The following RBFOX1 variants were observed in gnomAD, a reference collection of about 807,000 sequenced individuals.
RBFOX1 encodes RNA binding protein fox-1 homolog 1.
In RBFOX1, 8 loss-of-function variants were observed where a neutral mutation model predicts 57.7. The ratio of observed to expected loss-of-function variants is 0.14; its 90% CI spans 0.08 to 0.25. The LOEUF is 0.25. Among genes scored for constraint, RBFOX1 ranks in the 10% least tolerant of loss-of-function variants. The pLI, the probability that RBFOX1 is intolerant of heterozygous loss-of-function variation, is 1.00. For synonymous variants in RBFOX1, 326 were observed against 222.4 expected, an observed-to-expected ratio of 1.47 and a Z score of -4.15; for missense variants, 611 against 548.5, an observed-to-expected ratio of 1.11 and a Z score of -1.14.
chr16:7,417,474 T>C (rs1415327973), intron 4 of RBFOX1, among the ~76,000 whole-genome samples: 1 of 151,354 alleles, frequency 6.6e-6, no homozygotes, highest in Non-Finnish European at 1.5e-5. Context: ...ACCAGGAAAC[T>C]GACCTTGATC....
intron 2 of RBFOX1, among the ~76,000 whole-genome samples, chr16:6,568,141 C>T (rs1196767865): frequency 6.6e-6 from 1 of 152,158 alleles, no homozygotes; most frequent in Non-Finnish European, 1.5e-5. Context: ...TAACAAATTA[C>T]TCCCAAAGTT....
intron 6 of RBFOX1, among the ~76,000 whole-genome samples, chr16:7,581,887 A>C (rs1034973): frequency 0.85 from 128,387 of 151,596 alleles, 55,132 homozygotes; most frequent in Middle Eastern, 0.92. Flanking sequence ...ATTTTTAAGT[A>C]TTTTTTTTTA....
chr16:7,474,214 G>A (rs368024073), intron 4 of RBFOX1, among the ~76,000 whole-genome samples: 4 of 152,302 alleles, frequency 2.6e-5, no homozygotes, highest in South Asian at 4.1e-4. Flanking sequence ...TTGAACATGG[G>A]AGGCGGAAGT....
intron 2 of RBFOX1, among the ~76,000 whole-genome samples, chr16:5,510,883 G>C (rs1243858284): frequency 6.6e-6 from 1 of 152,136 alleles, no homozygotes; most frequent in Non-Finnish European, 1.5e-5. Flanking sequence ...AGTGTCTCTA[G>C]CTATGGCCAC....
intron 1 of RBFOX1, among the ~76,000 whole-genome samples, chr16:5,368,633 C>G (rs1048286098): frequency 6.6e-6 from 1 of 152,184 alleles, no homozygotes; most frequent in Non-Finnish European, 1.5e-5. Context: ...ATGCACATTT[C>G]TGAGCTCTTT....
intron 13 of RBFOX1, among the ~76,000 whole-genome samples, chr16:7,672,439 T>A (rs2071779223): frequency 6.6e-6 from 1 of 152,146 alleles, no homozygotes; most frequent in South Asian, 2.1e-4. Context: ...TTGACTGAGT[T>A]TTAATTAAAA....
At chr16:5,984,976 A>ATATATT (rs1359064334) in intron 4 of RBFOX1, among the ~76,000 whole-genome samples, 13 of 55,704 alleles carry the variant, frequency 2.3e-4, no homozygotes, top group African/African-American at 9.6e-4. Flanking sequence ...ATATATATAT[A>ATATATT]TTTTTTTTTT....
chr16:6,241,538 G>A (rs1317480526), intron 1 of RBFOX1, among the ~76,000 whole-genome samples: 2 of 152,202 alleles, frequency 1.3e-5, no homozygotes, highest in Admixed American at 6.5e-5. Context: ...ATGAGCAAGA[G>A]CAATACACAG....
At chr16:5,731,524 T>G (rs2052373645) in intron 3 of RBFOX1, among the ~76,000 whole-genome samples, 1 of 152,310 alleles carries the variant, frequency 6.6e-6, no homozygotes, top group East Asian at 1.9e-4. Context: ...GATTTGAACC[T>G]CAGTTGTCTG....
intron 2 of RBFOX1, among the ~76,000 whole-genome samples, chr16:6,642,393 T>G (rs1420691805): frequency 6.6e-6 from 1 of 152,144 alleles, no homozygotes; most frequent in Admixed American, 6.5e-5. Context: ...ATAGCTCTTA[T>G]TTGCAAACAG....
intron 4 of RBFOX1, among the ~76,000 whole-genome samples, chr16:7,400,018 G>A (rs1310125384): frequency 3.3e-5 from 5 of 152,146 alleles, no homozygotes; most frequent in Non-Finnish European, 5.9e-5. Context: ...AATTATATGA[G>A]GTAGGGATTA....
chr16:6,696,408 C>T (rs1048743966), intron 3 of RBFOX1, among the ~76,000 whole-genome samples: 3 of 152,238 alleles, frequency 2.0e-5, no homozygotes, highest in South Asian at 2.1e-4. Context: ...AATTCATTTT[C>T]TTCCTAGTGA....
intron 4 of RBFOX1, among the ~76,000 whole-genome samples, chr16:7,299,901 G>A (rs1568098393): frequency 6.6e-6 from 1 of 152,094 alleles, no homozygotes; most frequent in Non-Finnish European, 1.5e-5. Context: ...TTATGTTTTC[G>A]ACATAGGATA....
chr16:7,032,483 CTTAA>C (rs2043065248), intron 3 of RBFOX1, among the ~76,000 whole-genome samples: 1 of 152,008 alleles, frequency 6.6e-6, no homozygotes, highest in Non-Finnish European at 1.5e-5. Context: ...AAAATCCCAT[CTTAA>C]TTTTTTAAAG....
At chr16:6,928,710 G>T (rs1308516199) in intron 3 of RBFOX1, among the ~76,000 whole-genome samples, 3 of 152,102 alleles carry the variant, frequency 2.0e-5, no homozygotes, top group East Asian at 3.9e-4. Context: ...GTAAGTAAAA[G>T]ATTAAAATGT....
chr16:7,154,141 C>A (rs762451225), intron 4 of RBFOX1, among the ~76,000 whole-genome samples: 1 of 152,162 alleles, frequency 6.6e-6, no homozygotes, highest in Non-Finnish European at 1.5e-5. Flanking sequence ...CATCATAGTT[C>A]ATCATCCAAA....
intron 4 of RBFOX1, among the ~76,000 whole-genome samples, chr16:7,407,652 C>T (rs887794976): frequency 2.6e-5 from 4 of 152,092 alleles, no homozygotes; most frequent in African/African-American, 7.2e-5. Context: ...CAAAATATGG[C>T]AGCATACCTA....
intron 4 of RBFOX1, among the ~76,000 whole-genome samples, chr16:7,415,245 C>T (rs979619506): frequency 5.9e-5 from 9 of 152,188 alleles, no homozygotes; most frequent in Admixed American, 2.0e-4. Flanking sequence ...TTAAGGTTTT[C>T]TCAGATGATG....
rs369744647 is a variant in RBFOX1, at chr16:7,072,856, C to T, written c.27+20758C>T. 4.6e-5 allele frequency among the ~76,000 whole-genome samples: 7 copies of T among 152,232 alleles called. No individual in the cohort carries two copies. In the East Asian group the frequency reaches 9.7e-4, roughly 21 times the overall value. On this transcript the variant is annotated intron_variant, in intron 4 of 15. Coordinates refer to ENST00000550418, the MANE Select transcript of RBFOX1 (RefSeq NM_018723.4). ...GAGGAACGTCTTGAACATAAGTGCT[C>T]TGAGATGAAGAATTTACAAGTTGGG... is the stretch of plus-strand genomic sequence containing the variant.
Sources: allele counts gnomAD v4.1 joint callset (sites outside exome capture counted in the v4.1 genomes callset), GRCh38; gene constraint gnomAD v4.1.1; transcripts MANE v1.5; gene names NCBI Gene and HGNC (gene_info 2026-07-23, HGNC 2026-07-21).